TRABD2A: variants seen among roughly 807,000 people sequenced by gnomAD.
TRABD2A encodes the protein TraB domain containing 2A.
TRABD2A carries 43 observed loss-of-function variants against 45.6 expected under a neutral mutation model. The observed-to-expected ratio is 0.94, with a 90% CI of 0.74 to 1.22. The LOEUF (loss-of-function observed/expected upper bound fraction) is 1.22, where lower values mean the gene tolerates loss of function less well. Ranked by LOEUF, TRABD2A falls within the 50% of genes most tolerant of loss-of-function variation. TRABD2A has a pLI of 0.00. For synonymous variants in TRABD2A, 269 were observed against 265.0 expected, an observed-to-expected ratio of 1.02 and a Z score of -0.15; for missense variants, 642 against 652.4, an observed-to-expected ratio of 0.98 and a Z score of 0.17.
intron 2 of TRABD2A, among the ~76,000 whole-genome samples, chr2:84,868,476 C>T (rs1272830367): frequency 6.7e-6 from 1 of 149,932 alleles, no homozygotes; most frequent in Non-Finnish European, 1.5e-5. Flanking sequence ...TATCCTCCCC[C>T]ATTAACTAAT....
chr2:84,840,852 G>C (rs1019790154), intron 3 of TRABD2A, among the ~76,000 whole-genome samples: 1 of 152,126 alleles, frequency 6.6e-6, no homozygotes, highest in South Asian at 2.1e-4. Flanking sequence ...TTTTGGGGAT[G>C]CTCCTTACAT....
intron 2 of TRABD2A, among the ~76,000 whole-genome samples, chr2:84,863,347 C>G (rs1346817647): frequency 4.1e-5 from 6 of 147,536 alleles, no homozygotes; most frequent in African/African-American, 1.5e-4. Flanking sequence ...TGGGTTCACA[C>G]CATTCTCCTG....
In TRABD2A at chr2:84,821,793, G is replaced by T; in HGVS notation, c.*124C>A. 1 of 1,046,596 alleles carries T rather than the reference G, an allele frequency of 9.6e-7. No homozygotes were observed. Among genetic ancestry groups the T allele is most frequent in the Non-Finnish European group, 1.3e-6 (1 of 778,680 alleles). 64.8% of individuals were successfully genotyped at this position (1,046,596 alleles called of 1,614,324 possible). On this transcript the variant is annotated 3_prime_UTR_variant, in exon 7 of 7. Transcript: ENST00000409520. ...TTGGAAAGAGAAGAATCAACACTGG[G>T]CCGCTTTTTCAAGAGCAGTCTCTTC...
Position 84,821,796 on chromosome 2 carries a change from G to T in TRABD2A, c.*121C>A. 1.8e-6 allele frequency: 2 copies of T among 1,086,990 alleles called. No homozygotes were observed. The highest frequency in any genetic ancestry group is 2.5e-6 in the Non-Finnish European group (2 of 816,200). 67.3% of individuals were successfully genotyped at this position (1,086,990 alleles called of 1,614,324 possible). On this transcript the variant is annotated 3_prime_UTR_variant, in exon 7 of 7. Transcript: ENST00000409520. The stretch of plus-strand genomic sequence containing the variant: ...GAAAGAGAAGAATCAACACTGGGCC[G>T]CTTTTTCAAGAGCAGTCTCTTCTGG...
intron 2 of TRABD2A, among the ~76,000 whole-genome samples, chr2:84,867,572 A>G (rs1342464679): frequency 5.3e-5 from 8 of 152,368 alleles, no homozygotes; most frequent in Non-Finnish European, 1.2e-4. Flanking sequence ...AACAAAAGCC[A>G]AAATTGACAA....
chr2:84,842,129 G>A, intron 2 of TRABD2A, 122 bp from the exon 3 acceptor site: 1 of 1,067,854 alleles, frequency 9.4e-7, no homozygotes, highest in Non-Finnish European at 1.3e-6. Context: ...CGTGGATAGT[G>A]CTACTTAAAA....
At chr2:84,880,701 G>A (rs1683173946) in intron 1 of TRABD2A, among the ~76,000 whole-genome samples, 2 of 152,228 alleles carry the variant, frequency 1.3e-5, no homozygotes, top group South Asian at 4.1e-4. Flanking sequence ...CTGGCGGAGG[G>A]CAAAGGCCAG....
At chr2:84,827,759 G>A (rs775668616) in intron 5 of TRABD2A, among the ~76,000 whole-genome samples, 13 of 152,186 alleles carry the variant, frequency 8.5e-5, no homozygotes, top group South Asian at 2.1e-4. Flanking sequence ...CAGAGAACCC[G>A]TCTGTGGTCA....
At chr2:84,834,767 C>A (rs751467573) in intron 4 of TRABD2A, 1 of 152,084 alleles carries the variant, frequency 6.6e-6, no homozygotes, top group Non-Finnish European at 1.5e-5. Flanking sequence ...GTGTATATAT[C>A]ACCTTTTATT....
Position 84,823,998 on chromosome 2 carries a change from G to GGCCTCCGCTGTGACC in TRABD2A, c.1274_1288dup (p.Arg425_Arg429dup), listed in dbSNP as rs1229058974. 14 of 1,613,498 alleles carry GGCCTCCGCTGTGACC rather than the reference G, an allele frequency of 8.7e-6. No individual in the cohort carries two copies. The highest frequency in any genetic ancestry group is 4.0e-5 in the African/African-American group (3 of 74,856). Reference sequence around the variant, plus strand: ...CAGATCGCTGAATTGCCGGAGTCGCGGCCTCCGCTGTGACCGCCTCCGCTT... The same window carrying GGCCTCCGCTGTGACC: ...CAGATCGCTGAATTGCCGGAGTCGCGGCCTCCGCTGTGACCGCCTCCGCTGTGACCGCCTCCGCTT... On this transcript the variant is annotated inframe_insertion, in exon 6 of 7. Coordinates refer to ENST00000409520, the MANE Select transcript of TRABD2A (RefSeq NM_001277053.2).
At chr2:84,855,421 A>T (rs11688067) in intron 2 of TRABD2A, among the ~76,000 whole-genome samples, 33,898 of 152,034 alleles carry the variant, frequency 0.22, 4,223 homozygotes, top group African/African-American at 0.33. Flanking sequence ...GTGCTTGCCG[A>T]ACATTATACT....
chr2:84,880,793 G>A (rs1411182635), intron 1 of TRABD2A, 139 bp downstream of exon 1: 1 of 1,300,600 alleles, frequency 7.7e-7, no homozygotes, highest in Non-Finnish European at 1.0e-6. Context: ...AGCGAGCAAG[G>A]AGCGCCGCGG....
intron 2 of TRABD2A, among the ~76,000 whole-genome samples, chr2:84,851,926 A>T (rs1682110343): frequency 6.6e-6 from 1 of 152,180 alleles, no homozygotes; most frequent in Non-Finnish European, 1.5e-5. Flanking sequence ...GCTCCATCTC[A>T]AGAAGCAATG....
intron 2 of TRABD2A, among the ~76,000 whole-genome samples, chr2:84,863,237 A>ATTTTTTTTTTTTTTTTTTT (rs1559095739): frequency 1.9e-4 from 25 of 129,498 alleles, no homozygotes; most frequent in South Asian, 2.4e-4. Context: ...CTTCATGTGA[A>ATTTTTTTTTTTTTTTTTTT]TCTTTTTTTT....
At chr2:84,870,039 T>G (rs1223144992) in intron 2 of TRABD2A, among the ~76,000 whole-genome samples, 186 bp downstream of exon 2, 1 of 151,822 alleles carries the variant, frequency 6.6e-6, no homozygotes, top group African/African-American at 2.4e-5. Flanking sequence ...GTTTTTTTTC[T>G]TGGCAATACT....
In TRABD2A at chr2:84,843,903, CTAA is replaced by C. The variant is rs558485744; in HGVS notation, c.670-1899_670-1897del. ...ACATAGTTTACCTCCCTCAGTTACT[CTAA>C]TATTTCCTGTGCCTGTGATGCAACC... is the stretch of plus-strand genomic sequence containing the variant. On this transcript the variant is annotated intron_variant, in intron 2 of 6. Transcript: ENST00000409520. 76 of 152,398 alleles carry C rather than the reference CTAA, an allele frequency of 5.0e-4. 1 individual carries two copies. The highest frequency in any genetic ancestry group is 4.6e-3 in the Admixed American group (70 of 15,302). The allele number at this position is 152,398 out of a possible 1,614,324, so 9.4% of individuals were successfully genotyped here.
At chr2:84,829,637 C>T (rs1230534950) in intron 5 of TRABD2A, among the ~76,000 whole-genome samples, 3 of 149,444 alleles carry the variant, frequency 2.0e-5, no homozygotes, top group Non-Finnish European at 3.0e-5. Context: ...AAACCCCACA[C>T]GTACACAACA....
At chr2:84,838,566 CCAGCA>C (rs1681595250) in intron 4 of TRABD2A, among the ~76,000 whole-genome samples, 1 of 152,264 alleles carries the variant, frequency 6.6e-6, no homozygotes, top group East Asian at 1.9e-4. Flanking sequence ...AAAGCCCAGC[CCAGCA>C]AATGATCTTT....
At chr2:84,824,328 G>A (rs1681086795) in intron 5 of TRABD2A, 124 bp from the exon 6 acceptor site, 1 of 1,365,470 alleles carries the variant, frequency 7.3e-7, no homozygotes, top group South Asian at 1.4e-5. Flanking sequence ...AAGCTGGCCA[G>A]GAAGGGCAGA....
Sources: gnomAD v4.1 joint callset for allele counts (sites outside exome capture counted in the v4.1 genomes callset) on GRCh38, gnomAD v4.1.1 for gene constraint, MANE v1.5 for transcripts, NCBI Gene and HGNC (gene_info 2026-07-23, HGNC 2026-07-21) for gene names.